Variants in MAN2B1 observed in about 807,000 individuals in gnomAD.
MAN2B1 encodes lysosomal alpha-mannosidase.
A neutral mutation model predicts 127.5 loss-of-function variants in MAN2B1; 99 were observed. That is an observed-to-expected ratio of 0.78 (90% CI 0.66 to 0.92). The LOEUF (loss-of-function observed/expected upper bound fraction) is 0.92, where lower values mean the gene tolerates loss of function less well. Among genes scored for constraint, MAN2B1 ranks in the 40% least tolerant of loss-of-function variants. MAN2B1 has a pLI of 0.00. For missense variants in MAN2B1, 1,304 were observed against 1,384.8 expected (o/e 0.94, Z 0.93); for synonymous variants, 573 against 568.8 (o/e 1.01, Z -0.11).
chr19:12,652,465 G>T lies in MAN2B1; in HGVS notation c.1831-5C>A. 6.2e-7 allele frequency: 1 copy of T among 1,607,836 alleles called. No individual in the cohort carries two copies. The highest frequency in any genetic ancestry group is 1.3e-5 in the African/African-American group (1 of 74,888). On this transcript the variant is annotated splice_region_variant and splice_polypyrimidine_tract_variant and intron_variant, in intron 14 of 23. Coordinates refer to ENST00000456935, the MANE Select transcript of MAN2B1 (RefSeq NM_000528.4). ...ATCAAACGTTGCCCGGATGTGCTGG[G>T]CAGAAAAGGGTCCACAGATGGGTTT...
At chr19:12,660,339 TA>T (rs988869385) in intron 7 of MAN2B1, among the ~76,000 whole-genome samples, 19 of 152,116 alleles carry the variant, frequency 1.2e-4, no homozygotes, top group Non-Finnish European at 2.1e-4. Context: ...CCCTGTCTAC[TA>T]AAAATACAAA....
Position 12,646,676 on chromosome 19 carries a change from G to C in MAN2B1, c.2980C>G (p.Pro994Ala). 6.2e-7 allele frequency: 1 copy of C among 1,614,092 alleles called. No individual in the cohort carries two copies. Among genetic ancestry groups the C allele is most frequent in the Non-Finnish European group, 8.5e-7 (1 of 1,180,000 alleles). Residue 994 changes from proline to alanine, a missense_variant, in exon 24 of 24, where the codon CCC becomes GCC. By Grantham distance (27) the Pro-to-Ala change is conservative. Transcript: ENST00000456935. ...QLDPANITLEPMEIRTFLASV... is the reference protein window; with the variant it reads ...QLDPANITLEAMEIRTFLASV... ...GCCAGGAAAGTGCGGATTTCCATGG[G>C]TTCCAGCGTGATGTTGGCCGGGTCC...
Position 12,665,724 on chromosome 19 carries a change from C to T in MAN2B1, c.241G>A (p.Val81Met). 1.9e-6 allele frequency: 3 copies of T among 1,614,102 alleles called. No individual in the cohort carries two copies. The highest frequency in any genetic ancestry group is 2.2e-5 in the East Asian group (1 of 44,886). The change falls in exon 2 of 24, where the codon GTG becomes ATG. Residue 81 changes from valine to methionine, a missense_variant. Coordinates refer to ENST00000456935, the MANE Select transcript of MAN2B1 (RefSeq NM_000528.4). ...TCACTTCCATAAAAGTACTGGTCCA[C>T]GGTTTTGAGCCAGCCCACGTCATCA... ...THDDVGWLKT[V>M]DQYFYGIKND...
At chr19:12,649,258 C>T (rs1249469252) in intron 19 of MAN2B1, 42 bp from the exon 20 acceptor site, 1 of 1,605,936 alleles carries the variant, frequency 6.2e-7, no homozygotes, top group East Asian at 2.2e-5. Flanking sequence ...TCAACCCCAA[C>T]CCCAGGCAGC....
chr19:12,646,720 T>C lies in MAN2B1; in HGVS notation c.2936A>G (p.His979Arg), dbSNP rs2023696849. The C allele has an allele frequency of 1.9e-6, 3 of 1,613,222 alleles. No individual in the cohort carries two copies. The change falls in exon 24 of 24, where the codon CAC (histidine) becomes CGC (arginine). Residue 979 changes from histidine (H) to arginine (R), a missense_variant. By Grantham distance (29) the His-to-Arg change is conservative. Transcript: ENST00000456935. ...CGGGTCCAGCTGGTACGGAGTTTGG[T>C]GGGGTGTGGGGCCTGGAGAGGTGCA... ...KWTTNTGPTP[H>R]QTPYQLDPAN...
intron 18 of MAN2B1, 71 bp from the exon 19 acceptor site, chr19:12,649,499 T>TTTTTTTTTTTTTTTA (rs2023788096): frequency 2.7e-6 from 2 of 729,218 alleles, no homozygotes; most frequent in African/African-American, 2.0e-5. Context: ...TTTTTTTTTT[T>TTTTTTTTTTTTTTTA]GAGATGGAGT....
chr19:12,664,180 T>C (rs188452933), intron 4 of MAN2B1, among the ~76,000 whole-genome samples: 1 of 152,172 alleles, frequency 6.6e-6, no homozygotes, highest in East Asian at 1.9e-4. Context: ...GAGTTAGGAT[T>C]GCACCACTGC....
intron 16 of MAN2B1, among the ~76,000 whole-genome samples, chr19:12,650,731 C>A (rs2023825994): frequency 6.6e-6 from 1 of 150,550 alleles, no homozygotes; most frequent in East Asian, 2.0e-4. Flanking sequence ...AGTGCAGTGG[C>A]ACAATCTTGC....
chr19:12,657,010 T>C lies in MAN2B1; in HGVS notation c.1466A>G (p.His489Arg), dbSNP rs1277092376. 1.2e-6 allele frequency: 2 copies of C among 1,613,556 alleles called. No individual in the cohort carries two copies. The highest frequency in any genetic ancestry group is 1.7e-6 in the Non-Finnish European group (2 of 1,179,968). ...GTTTAGCTGTTGGCAAAAGGTGAAG[T>C]GATCTTTGAAGCCTCTGAGCCGCGC... ...ALARLRGFKD[H>R]FTFCQQLNIS... The change falls in exon 12 of 24, where the codon CAC (histidine) becomes CGC (arginine). Residue 489 changes from histidine (H) to arginine (R), a missense_variant. By Grantham distance (29) the His-to-Arg change is conservative (BLOSUM62 0). Transcript: ENST00000456935.
chr19:12,652,536 C>CTTTTTT lies in MAN2B1; in HGVS notation c.1831-82_1831-77dup, dbSNP rs71168621. ...TTTCTTTTTTTAATTTTTCTTTTTT[C>CTTTTTT]TTTTTTTTTTTTTGAGACTGAGTCT... On this transcript the variant is annotated intron_variant, in intron 14 of 23. Coordinates refer to ENST00000456935, the MANE Select transcript of MAN2B1 (RefSeq NM_000528.4). 1.9e-5 allele frequency: 15 copies of CTTTTTT among 779,732 alleles called. No individual in the cohort carries two copies. In the African/African-American group the frequency reaches 2.3e-4, roughly 12 times the overall value. The allele number at this position is 779,732 out of a possible 1,614,324, so 48.3% of individuals were successfully genotyped here. A position where few individuals can be genotyped will look rare whatever the true frequency, so the allele number is the denominator to read the frequency against.
rs899231500 is a variant in MAN2B1 at position 12,646,744 on chromosome 19, C to T, written c.2924-12G>A. 2 of 1,589,194 alleles carry T rather than the reference C, an allele frequency of 1.3e-6. No homozygotes were observed. The highest frequency in any genetic ancestry group is 1.7e-5 in the Admixed American group (1 of 59,952). ...GTGGGGTGTGGGGCCTGGAGAGGTG[C>T]AGGGGGAAGGAGGAGTGAGGAGGTG... On this transcript the variant is annotated splice_polypyrimidine_tract_variant and intron_variant, in intron 23 of 23. Coordinates refer to ENST00000456935, the MANE Select transcript of MAN2B1 (RefSeq NM_000528.4).
chr19:12,657,656 T>A, intron 10 of MAN2B1, 101 bp from the exon 11 acceptor site: 2 of 1,062,648 alleles, frequency 1.9e-6, no homozygotes, highest in Non-Finnish European at 2.8e-6. Flanking sequence ...TCTTAGAGGC[T>A]TTAAGAAGGA....
At position 12,647,035 on chromosome 19, in the gene MAN2B1, C is replaced by G; in HGVS notation, c.2923+198G>C. On this transcript the variant is annotated intron_variant, in intron 23 of 23. Transcript: ENST00000456935. The surrounding 1 kb of genome is among the most constrained non-coding windows in gnomAD (Gnocchi z 4.9). The stretch of plus-strand genomic sequence containing the variant: ...ATCTTGTTCTTGGGACTAAACAGCA[C>G]CCACAAACCTCAAGACCCATTCCTG... The G allele has an allele frequency of 1.6e-6, 1 of 618,092 alleles. No individual in the cohort carries two copies. The allele number at this position is 618,092 out of a possible 1,614,324, so 38.3% of individuals were successfully genotyped here. A position where few individuals can be genotyped will look rare whatever the true frequency, so the allele number is the denominator to read the frequency against.
In MAN2B1 at chr19:12,648,332, G is replaced by T. The variant is rs1213197244; in HGVS notation, c.2507C>A (p.Ala836Glu). ...SEPLMENGSG[A>E]WVRGRHLVLL... is the part of the protein sequence containing the mutation. ...CACCAGGTGGCGCCCTCGCACCCAC[G>T]CCCCCGACCCGTTCTCCATTAGTGG... is the stretch of plus-strand genomic sequence containing the variant. The change falls in exon 21 of 24, where the codon GCG (alanine) becomes GAG (glutamate). Residue 836 changes from alanine to glutamate, a missense_variant. Ala to Glu is a moderately radical substitution (Grantham distance 107, BLOSUM62 -1). Transcript: ENST00000456935. 4 of 1,613,548 alleles carry T rather than the reference G, an allele frequency of 2.5e-6. No homozygotes were observed. In the African/African-American group the frequency reaches 5.3e-5, roughly 22 times the overall value.
rs1452327080 is a variant in MAN2B1, at chr19:12,647,652, A to G, written c.2665-54T>C. 56 of 1,438,702 alleles carry G rather than the reference A, an allele frequency of 3.9e-5. No homozygotes were observed. The highest frequency in any genetic ancestry group is 6.0e-5 in the African/African-American group (4 of 66,704). The allele number at this position is 1,438,702 out of a possible 1,614,324, so 89.1% of individuals were successfully genotyped here. A position where few individuals can be genotyped will look rare whatever the true frequency, so the allele number is the denominator to read the frequency against. ...GAGAGGGGCGGGGCCTGGATGGAGAAGGGCGGGGCCGAGCCAGGTCAGGAG... is the reference window on the plus strand; with the variant it reads ...GAGAGGGGCGGGGCCTGGATGGAGAGGGGCGGGGCCGAGCCAGGTCAGGAG... On this transcript the variant is annotated intron_variant, in intron 21 of 23. Coordinates refer to ENST00000456935, the MANE Select transcript of MAN2B1 (RefSeq NM_000528.4). This position sits in a 1 kb window ranked among gnomAD's most constrained non-coding sequence, Gnocchi z 4.9.
rs1599361566 is a variant in MAN2B1, at chr19:12,666,669, G to A, written c.33C>T (p.Cys11=). 1 of 1,551,752 alleles carries A rather than the reference G, an allele frequency of 6.4e-7. No homozygotes were observed. Among genetic ancestry groups the A allele is most frequent in the South Asian group, 1.2e-5 (1 of 84,336 alleles). The change falls in exon 1 of 24, where the codon TGC becomes TGT. Residue 11 remains cysteine (C), a synonymous_variant. Transcript: ENST00000456935. The stretch of plus-strand genomic sequence containing the variant: ...CTGCTGAGTCCAGGCAGCCGCGAGC[G>A]CAGACCCCCGAAGCCCGCGCGTAGG... MGAYARASGV[C]ARGCLDSAGP...
intron 9 of MAN2B1, 38 bp from the exon 10 acceptor site, chr19:12,658,179 C>T (rs780249307): frequency 3.1e-6 from 5 of 1,613,504 alleles, no homozygotes; most frequent in Admixed American, 1.7e-5. Flanking sequence ...CCCAGCCTGT[C>T]GGGCCTCGGG....
In MAN2B1 at chr19:12,646,517, C is replaced by A; in HGVS notation, c.*103G>T. Reference sequence around the variant, plus strand: ...CACTCAGTCACAGAGCGACCTGAGTCTTAGTAGTAGCGTTTTAATGGCAGC... The same window carrying A: ...CACTCAGTCACAGAGCGACCTGAGTATTAGTAGTAGCGTTTTAATGGCAGC... On this transcript the variant is annotated 3_prime_UTR_variant, in exon 24 of 24. Coordinates refer to ENST00000456935, the MANE Select transcript of MAN2B1 (RefSeq NM_000528.4). 1 of 885,154 alleles carries A rather than the reference C, an allele frequency of 1.1e-6. No individual in the cohort carries two copies. The highest frequency in any genetic ancestry group is 1.4e-5 in the South Asian group (1 of 73,530). The allele number at this position is 885,154 out of a possible 1,614,324, so 54.8% of individuals were successfully genotyped here. A position where few individuals can be genotyped will look rare whatever the true frequency, so the allele number is the denominator to read the frequency against.
In MAN2B1 at chr19:12,647,218, T is replaced by C; in HGVS notation, c.2923+15A>G. The C allele has an allele frequency of 6.2e-7, 1 of 1,608,660 alleles. No homozygotes were observed. Reference sequence around the variant, plus strand: ...TAAGACTCCACCCCTTCCCTACCCCTGACCAGGGCCCCACCTGTGTTTGTT... The same window carrying C: ...TAAGACTCCACCCCTTCCCTACCCCCGACCAGGGCCCCACCTGTGTTTGTT... On this transcript the variant is annotated intron_variant, in intron 23 of 23. Transcript: ENST00000456935. This position sits in a 1 kb window ranked among gnomAD's most constrained non-coding sequence, Gnocchi z 4.9.
Sources: gnomAD v4.1 joint callset for allele counts (sites outside exome capture counted in the v4.1 genomes callset) on GRCh38, gnomAD v4.1.1 for gene constraint, Gnocchi (gnomAD v3.1) non-coding constraint, MANE v1.5 for transcripts, NCBI Gene and HGNC (gene_info 2026-07-23, HGNC 2026-07-21) for gene names.